USH2A: variants seen among roughly 807,000 people sequenced by gnomAD.
USH2A encodes the protein usherin.
A neutral mutation model predicts 538.9 loss-of-function variants in USH2A; 443 were observed. That is an observed-to-expected ratio of 0.82 (90% CI 0.76 to 0.89). The LOEUF (loss-of-function observed/expected upper bound fraction) is 0.89. Ranked by LOEUF, USH2A falls within the 40% of genes least tolerant of loss-of-function variation. USH2A has a pLI of 0.00. For missense variants in USH2A, 6,633 were observed against 6,324.8 expected, an observed-to-expected ratio of 1.05 and a Z score of -1.65; for synonymous variants, 2,413 against 2,273.5, an observed-to-expected ratio of 1.06 and a Z score of -1.75.
chr1:216,113,696 T>C (rs301730), intron 21 of USH2A, among the ~76,000 whole-genome samples: 64,658 of 151,776 alleles, frequency 0.43, 14,515 homozygotes, highest in Non-Finnish European at 0.48. Context: ...TACTTTTTTT[T>C]AACAATTGAC....
At chr1:215,980,470 A>T (rs1278267940) in intron 35 of USH2A, among the ~76,000 whole-genome samples, 2 of 152,152 alleles carry the variant, frequency 1.3e-5, no homozygotes, top group African/African-American at 4.8e-5. Context: ...TACAATATCA[A>T]TTCTATTTTA....
intron 21 of USH2A, among the ~76,000 whole-genome samples, chr1:216,139,869 C>A (rs980742301): frequency 1.3e-5 from 2 of 152,160 alleles, no homozygotes; most frequent in African/African-American, 4.8e-5. Flanking sequence ...CATCTCAGTT[C>A]TGACTTGCGA....
intron 11 of USH2A, among the ~76,000 whole-genome samples, chr1:216,263,054 T>C (rs1320516079): frequency 6.6e-6 from 1 of 152,040 alleles, no homozygotes; most frequent in African/African-American, 2.4e-5. Context: ...TGTGGATACA[T>C]ACAACTGGCC....
intron 11 of USH2A, among the ~76,000 whole-genome samples, chr1:216,285,018 T>C (rs985532746): frequency 6.6e-6 from 1 of 152,198 alleles, no homozygotes; most frequent in South Asian, 2.1e-4. Context: ...AAGCAGAGCA[T>C]AAAAGTTTGA....
rs150769079 is a variant in USH2A, at chr1:215,694,505, G to A, written c.12067-14129C>T. ...GGAGAATGGCGTGAACCCGGGAGGC[G>A]GAGCTTACGGTTAGCCGAGATCACG... is the stretch of plus-strand genomic sequence containing the variant. On this transcript the variant is annotated intron_variant, in intron 61 of 71. Transcript: ENST00000307340. Among the ~76,000 whole-genome samples the A allele has an allele frequency of 6.9e-3, 1,048 of 152,236 alleles. 15 individuals are homozygous for A. Among genetic ancestry groups the A allele is most frequent in the African/African-American group, 0.022 (904 of 41,524 alleles).
chr1:215,971,478 G>A lies in USH2A; in HGVS notation c.6806-702C>T, dbSNP rs564532734. 1.3e-3 allele frequency among the ~76,000 whole-genome samples: 202 copies of A among 152,168 alleles called. 1 individual carries two copies. Among genetic ancestry groups the A allele is most frequent in the African/African-American group, 4.7e-3 (194 of 41,516 alleles). ...CTAAGTAAAAAATTCCAAATAAGCC[G>A]GGTGTGGTGACTCATACCTGTAATC... is the stretch of plus-strand genomic sequence containing the variant. On this transcript the variant is annotated intron_variant, in intron 35 of 71. Coordinates refer to ENST00000307340, the MANE Select transcript of USH2A (RefSeq NM_206933.4).
intron 3 of USH2A, among the ~76,000 whole-genome samples, chr1:216,379,241 C>A (rs2038889516): frequency 1.3e-5 from 2 of 152,142 alleles, no homozygotes; most frequent in Non-Finnish European, 2.9e-5. Flanking sequence ...GCGTGCAGCA[C>A]CAACTCAGTA....
intron 3 of USH2A, among the ~76,000 whole-genome samples, chr1:216,381,457 T>A (rs1203109678): frequency 6.6e-6 from 1 of 152,096 alleles, no homozygotes; most frequent in Non-Finnish European, 1.5e-5. Context: ...ACATTTACAT[T>A]TTAGAAAGAA....
chr1:215,998,972 C>T lies in USH2A; in HGVS notation c.6572G>A (p.Ser2191Asn), dbSNP rs1668200697. The change falls in exon 34 of 72, where the codon AGT becomes AAT. Residue 2191 changes from serine to asparagine, a missense_variant. By Grantham distance (46) the Ser-to-Asn change is conservative. Transcript: ENST00000307340. ...SNHTHDFTIW[S>N]VIYNSTELFQ... ...AAGTTCTGTACTGTTATAGATGACACTCCAAATTGTAAAATCATGTGTATG... is the reference window on the plus strand; with the variant it reads ...AAGTTCTGTACTGTTATAGATGACATTCCAAATTGTAAAATCATGTGTATG... The T allele has an allele frequency of 6.2e-7, 1 of 1,612,874 alleles. No individual in the cohort carries two copies. Among genetic ancestry groups the T allele is most frequent in the Non-Finnish European group, 8.5e-7 (1 of 1,179,168 alleles).
chr1:215,864,672 A>C (rs912981293), intron 44 of USH2A, among the ~76,000 whole-genome samples: 7 of 152,190 alleles, frequency 4.6e-5, no homozygotes, highest in Non-Finnish European at 8.8e-5. Context: ...TACTGTGGGC[A>C]AAACAGTGTA....
At position 215,625,467 on chromosome 1, in the gene USH2A, C is replaced by CTGAT. The variant is rs1434811049; in HGVS notation, c.*310_*313dup. The stretch of plus-strand genomic sequence containing the variant: ...ACTGTGAGCCATCTTGAAATTGCCA[C>CTGAT]TGATTATTCAGTTAACCAGGAGCAT... On this transcript the variant is annotated 3_prime_UTR_variant, in exon 72 of 72. Coordinates refer to ENST00000307340, the MANE Select transcript of USH2A (RefSeq NM_206933.4). 1 of 388,530 alleles carries CTGAT rather than the reference C, an allele frequency of 2.6e-6. No individual in the cohort carries two copies. Among genetic ancestry groups the CTGAT allele is most frequent in the African/African-American group, 2.1e-5 (1 of 48,716 alleles). The allele number at this position is 388,530 out of a possible 1,614,324, so 24.1% of individuals were successfully genotyped here.
At chr1:216,137,381 G>A (rs1296289932) in intron 21 of USH2A, among the ~76,000 whole-genome samples, 1 of 152,098 alleles carries the variant, frequency 6.6e-6, no homozygotes, top group Non-Finnish European at 1.5e-5. Flanking sequence ...CTTACGTGGT[G>A]GCAGCAAGTG....
intron 61 of USH2A, among the ~76,000 whole-genome samples, chr1:215,695,839 C>T (rs758799565): frequency 3.3e-5 from 5 of 152,158 alleles, no homozygotes; most frequent in Non-Finnish European, 7.4e-5. Flanking sequence ...CAACCTCTGC[C>T]TCCTGGGTTC....
chr1:216,278,446 T>C lies in USH2A; in HGVS notation c.1971+10834A>G, dbSNP rs116661855. Among the ~76,000 whole-genome samples, 138 of 152,322 alleles carry C rather than the reference T, an allele frequency of 9.1e-4. 1 individual carries two copies. The highest frequency in any genetic ancestry group is 2.4e-3 in the Admixed American group (36 of 15,294). On this transcript the variant is annotated intron_variant, in intron 11 of 71. Transcript: ENST00000307340. ...ACCCCAGGACCTTTGTTCCTGTCTTTGTGAATCTCATCCTCTACAATCTCA... is the reference window on the plus strand; with the variant it reads ...ACCCCAGGACCTTTGTTCCTGTCTTCGTGAATCTCATCCTCTACAATCTCA...
At chr1:216,073,636 G>A (rs1007866716) in intron 27 of USH2A, among the ~76,000 whole-genome samples, 1 of 152,132 alleles carries the variant, frequency 6.6e-6, no homozygotes, top group Admixed American at 6.6e-5. Context: ...TTCATATTAT[G>A]GTAGGGGGAT....
chr1:215,769,275 T>C (rs1260165992), intron 55 of USH2A, among the ~76,000 whole-genome samples: 1 of 152,214 alleles, frequency 6.6e-6, no homozygotes, highest in Non-Finnish European at 1.5e-5. Flanking sequence ...TTCCTCATTG[T>C]GGTCGTGGCT....
In USH2A at chr1:215,634,650, C is replaced by G; in HGVS notation, c.15106G>C (p.Glu5036Gln). ...ATGAACCACAGCTCGCTGTAGAACTCTGTGCTTTTGCTCCGCGATCCCTTC... is the reference window on the plus strand; with the variant it reads ...ATGAACCACAGCTCGCTGTAGAACTGTGTGCTTTTGCTCCGCGATCCCTTC... Reference protein sequence around the residue: ...KKKGSRSKSTEFYSELWFIVL... With the variant: ...KKKGSRSKSTQFYSELWFIVL... Residue 5036 changes from glutamate to glutamine, a missense_variant, in exon 70 of 72, where the codon GAG (glutamate) becomes CAG (glutamine). Transcript: ENST00000307340. The G allele has an allele frequency of 1.2e-6, 2 of 1,614,234 alleles. No homozygotes were observed. The highest frequency in any genetic ancestry group is 1.7e-6 in the Non-Finnish European group (2 of 1,180,050).
intron 47 of USH2A, among the ~76,000 whole-genome samples, chr1:215,829,132 G>T (rs1319655102): frequency 6.6e-6 from 1 of 152,144 alleles, no homozygotes; most frequent in Non-Finnish European, 1.5e-5. Context: ...GATATAGAAG[G>T]AGCTGATGAT....
At chr1:216,128,762 C>T (rs1448368220) in intron 21 of USH2A, among the ~76,000 whole-genome samples, 1 of 151,998 alleles carries the variant, frequency 6.6e-6, no homozygotes, top group Non-Finnish European at 1.5e-5. Flanking sequence ...ACTCCAATTC[C>T]ACTCTTCTAG....
Sources: allele counts gnomAD v4.1 joint callset (sites outside exome capture counted in the v4.1 genomes callset), GRCh38; gene constraint gnomAD v4.1.1; transcripts MANE v1.5; gene names NCBI Gene and HGNC (gene_info 2026-07-23, HGNC 2026-07-21).